Variants in AATK observed in about 807,000 individuals in gnomAD.
The protein encoded by AATK is serine/threonine-protein kinase LMTK1.
Under a neutral mutation model 114.3 loss-of-function variants are expected in AATK, and 91 were observed. That is an observed-to-expected ratio of 0.80 (90% CI 0.67 to 0.95). AATK has a LOEUF of 0.95. AATK is among the 40% of genes least tolerant of loss of function. AATK has a pLI of 0.00. For missense variants in AATK, 2,176 were observed against 1,965.2 expected (o/e 1.11, Z -2.03); for synonymous variants, 1,075 against 916.5 (o/e 1.17, Z -3.12).
chr17:81,137,117 G>C (rs2061022529), intron 1 of AATK, among the ~76,000 whole-genome samples: 1 of 152,102 alleles, frequency 6.6e-6, no homozygotes, highest in South Asian at 2.1e-4. Flanking sequence ...AATTAGCTGG[G>C]TGTGGTGGCA....
At chr17:81,124,903 C>CCCG in intron 8 of AATK, 27 bp downstream of exon 8, 3 of 1,538,094 alleles carry the variant, frequency 2.0e-6, no homozygotes, top group Non-Finnish European at 2.7e-6. Flanking sequence ...CCCTCATGCC[C>CCCG]AGCCCAGCCC....
Sources: gnomAD v4.1 joint callset for allele counts (sites outside exome capture counted in the v4.1 genomes callset) on GRCh38, gnomAD v4.1.1 for gene constraint, MANE v1.5 for transcripts, NCBI Gene and HGNC (gene_info 2026-07-23, HGNC 2026-07-21) for gene names.